Variants in ABCB11 observed in about 807,000 individuals in gnomAD.
ABCB11 encodes the protein ATP binding cassette subfamily B member 11.
Under a neutral mutation model 148.0 loss-of-function variants are expected in ABCB11, and 95 were observed. That is an observed-to-expected ratio of 0.64 (90% CI 0.54 to 0.76). ABCB11 has a LOEUF of 0.76. ABCB11 is among the 30% of genes least tolerant of loss of function. The pLI, the probability that ABCB11 is intolerant of heterozygous loss-of-function variation, is 0.00. For synonymous variants in ABCB11, 591 were observed against 555.4 expected, an observed-to-expected ratio of 1.06 and a Z score of -0.90; for missense variants, 1,523 against 1,617.8, an observed-to-expected ratio of 0.94 and a Z score of 1.01.
At chr2:168,973,428 GA>G (rs972104582) in intron 13 of ABCB11, among the ~76,000 whole-genome samples, 1 of 151,876 alleles carries the variant, frequency 6.6e-6, no homozygotes, top group African/African-American at 2.4e-5. Context: ...TAATCTTATG[GA>G]ACCACCATCA....
At chr2:168,920,453 A>T (rs1691040467), downstream of ABCB11, among the ~76,000 whole-genome samples, 5 of 151,462 alleles carry the variant, frequency 3.3e-5, no homozygotes, top group Admixed American at 3.3e-4. Context: ...GTTACCCTCA[A>T]TTTTTTCTTT....
intron 4 of ABCB11, among the ~76,000 whole-genome samples, 185 bp downstream of exon 4, chr2:169,014,118 G>A (rs1262270746): frequency 6.6e-6 from 1 of 152,134 alleles, no homozygotes; most frequent in Non-Finnish European, 1.5e-5. Flanking sequence ...GGATTTGTAT[G>A]CTTTATGAGC....
At chr2:168,959,768 C>T (rs751650827) in intron 18 of ABCB11, among the ~76,000 whole-genome samples, 3 of 151,454 alleles carry the variant, frequency 2.0e-5, no homozygotes, top group Non-Finnish European at 4.4e-5. Flanking sequence ...ACACCCACTT[C>T]ATTTGTTGGT....
At chr2:168,988,575 G>T (rs12477616) in intron 9 of ABCB11, among the ~76,000 whole-genome samples, 2 of 152,140 alleles carry the variant, frequency 1.3e-5, no homozygotes. Flanking sequence ...TGCAGTGAAT[G>T]TAAGAGTACA....
intron 1 of ABCB11, among the ~76,000 whole-genome samples, chr2:169,019,342 C>T (rs1284936544): frequency 6.6e-6 from 1 of 152,002 alleles, no homozygotes; most frequent in Non-Finnish European, 1.5e-5. Context: ...TTTCCAGAAG[C>T]AATTACCTGA....
At chr2:169,030,645 G>A (rs897955513) in intron 1 of ABCB11, among the ~76,000 whole-genome samples, 1 of 152,128 alleles carries the variant, frequency 6.6e-6, no homozygotes, top group Admixed American at 6.5e-5. Flanking sequence ...ACTGGCTTGG[G>A]TGACCTAAAA....
chr2:168,973,783 G>A lies in ABCB11; in HGVS notation c.1366C>T (p.Pro456Ser), dbSNP rs1245308323. ...GCTGTACTTTTTCCAGCTCCACTGG[G>A]TCCTACCAGAGCTGTCATTTCCCCT... ...KPGEMTALVG[P>S]SGAGKSTALQ... Residue 456 changes from proline (P) to serine (S), a missense_variant, in exon 13 of 28, where the codon CCC becomes TCC. By Grantham distance (74) the Pro-to-Ser change is moderately conservative. Transcript: ENST00000650372. 3 of 1,612,218 alleles carry A rather than the reference G, an allele frequency of 1.9e-6. No homozygotes were observed. The highest frequency in any genetic ancestry group is 2.2e-5 in the South Asian group (2 of 91,046).
At chr2:168,953,526 G>A (rs1692659590) in intron 19 of ABCB11, among the ~76,000 whole-genome samples, 1 of 149,380 alleles carries the variant, frequency 6.7e-6, no homozygotes, top group African/African-American at 2.5e-5. Context: ...CTCAACTTTG[G>A]TTTCCATTTG....
intron 8 of ABCB11, among the ~76,000 whole-genome samples, chr2:168,993,491 G>A (rs1377659171): frequency 2.0e-5 from 3 of 152,054 alleles, no homozygotes; most frequent in Non-Finnish European, 4.4e-5. Context: ...CTCAATAAAT[G>A]TAATTGCTGT....
At position 168,958,087 on chromosome 2, in the gene ABCB11, T is replaced by C. The variant is rs1692878220; in HGVS notation, c.2220A>G (p.Pro740=). The C allele has an allele frequency of 9.9e-6, 16 of 1,611,272 alleles. No individual in the cohort carries two copies. Among genetic ancestry groups the C allele is most frequent in the Non-Finnish European group, 1.3e-5 (15 of 1,178,192 alleles). ...CACTGAATTTCAGAATCCTCCTAAC[T>C]GGGGCAGGTTCAACTTCTTCCTGCA... ...IPVQEEVEPA[P]VRRILKFSAP... The change falls in exon 19 of 28, where the codon CCA becomes CCG. Residue 740 remains proline (P), a synonymous_variant. Transcript: ENST00000650372.
Position 168,932,391 on chromosome 2 carries a change from C to A in ABCB11, c.3199G>T (p.Ala1067Ser). The change falls in exon 24 of 28, where the codon GCA becomes TCA. Residue 1067 changes from alanine to serine, a missense_variant. Physicochemically the swap from Ala to Ser is moderately conservative, Grantham distance 99. Coordinates refer to ENST00000650372, the MANE Select transcript of ABCB11 (RefSeq NM_003742.4). ...RQPPISVYNTAGEKWDNFQGK... is the reference protein window; with the variant it reads ...RQPPISVYNTSGEKWDNFQGK... ...CCAACACTTACCCATTTTTCACCTG[C>A]AGTATTGTATACACTGATTGGGGGT... 6.4e-7 allele frequency: 1 copy of A among 1,563,196 alleles called. No individual in the cohort carries two copies.
chr2:168,948,852 C>T (rs895251011), intron 19 of ABCB11, among the ~76,000 whole-genome samples: 11 of 151,576 alleles, frequency 7.3e-5, no homozygotes, highest in African/African-American at 2.4e-4. Context: ...TGGCTGGGGC[C>T]CTCCTTACAC....
intron 25 of ABCB11, among the ~76,000 whole-genome samples, chr2:168,928,466 GA>G (rs377697252): frequency 0.01 from 1,531 of 150,052 alleles, 24 homozygotes; most frequent in African/African-American, 0.034. Flanking sequence ...AGAGGACTTT[GA>G]AAAAAAAACA....
intron 9 of ABCB11, 97 bp downstream of exon 9, chr2:168,990,704 G>A: frequency 6.6e-7 from 1 of 1,510,576 alleles, no homozygotes; most frequent in South Asian, 1.2e-5. Context: ...GGAGGCCACA[G>A]ACCAAGGTGG....
At chr2:168,958,158 T>C (rs372339008) in intron 18 of ABCB11, 30 bp from the exon 19 acceptor site, 2 of 1,597,434 alleles carry the variant, frequency 1.3e-6, no homozygotes, top group Admixed American at 1.7e-5. Flanking sequence ...ATATTAATCA[T>C]CTAAATGTAC....
At chr2:168,960,160 G>A (rs76031050) in intron 18 of ABCB11, among the ~76,000 whole-genome samples, 4,243 of 151,622 alleles carry the variant, frequency 0.028, 77 homozygotes, top group Non-Finnish European at 0.04. Flanking sequence ...ATCCTGTCAC[G>A]AGAATTCCAA....
At chr2:169,022,646 T>C (rs187236121) in intron 1 of ABCB11, among the ~76,000 whole-genome samples, 5 of 152,194 alleles carry the variant, frequency 3.3e-5, no homozygotes, top group African/African-American at 4.8e-5. Context: ...TCTAATCTTA[T>C]ATAAATAGTT....
chr2:168,939,871 T>A (rs1398048825), intron 21 of ABCB11, among the ~76,000 whole-genome samples: 1 of 152,116 alleles, frequency 6.6e-6, no homozygotes. Context: ...ATATTCAAAC[T>A]TTTTCATTAT....
chr2:169,018,777 T>C (rs569287397), intron 1 of ABCB11, among the ~76,000 whole-genome samples: 1 of 152,328 alleles, frequency 6.6e-6, no homozygotes, highest in South Asian at 2.1e-4. Context: ...CGATTCAGCA[T>C]GAAGTTTATG....
Sources: allele counts gnomAD v4.1 joint callset (sites outside exome capture counted in the v4.1 genomes callset), GRCh38; gene constraint gnomAD v4.1.1; transcripts MANE v1.5; gene names NCBI Gene and HGNC (gene_info 2026-07-23, HGNC 2026-07-21).